AR: variants seen among roughly 807,000 people sequenced by gnomAD.
AR encodes androgen receptor, also known as dihydrotestosterone receptor.
A neutral mutation model predicts 53.9 loss-of-function variants in AR; 8 were observed. The ratio of observed to expected loss-of-function variants is 0.15; its 90% CI spans 0.09 to 0.27. The LOEUF (loss-of-function observed/expected upper bound fraction) is 0.27, where lower values mean the gene tolerates loss of function less well. AR is among the 10% of genes least tolerant of loss of function. The pLI, the probability that AR is intolerant of heterozygous loss-of-function variation, is 1.00. For missense variants in AR, 639 were observed against 742.5 expected, an observed-to-expected ratio of 0.86 and a Z score of 1.62; for synonymous variants, 359 against 316.4, an observed-to-expected ratio of 1.13 and a Z score of -1.43.
chrX:67,670,002 T>G (rs1251974230), intron 2 of AR, among the ~76,000 whole-genome samples: 1 of 102,013 alleles, frequency 9.8e-6, no homozygotes, highest in African/African-American at 3.5e-5. Context: ...AAAATAATAC[T>G]ATTTTTTAAT....
chrX:67,620,320 GCTT>G (rs1349112060), intron 1 of AR, among the ~76,000 whole-genome samples: 5 of 109,254 alleles, frequency 4.6e-5, no homozygotes, highest in African/African-American at 1.7e-4. Flanking sequence ...GGTAAATGCT[GCTT>G]TTCTGCCTTA....
At chrX:67,602,181 A>T (rs1418990236) in intron 1 of AR, among the ~76,000 whole-genome samples, 2 of 112,307 alleles carry the variant, frequency 1.8e-5, no homozygotes, top group Non-Finnish European at 3.8e-5. Context: ...TTTGTTTCAG[A>T]ATAATAAACT....
rs1394256372 is a variant in AR, at chrX:67,725,885, T to A, written c.*2044T>A. ...AGTCTTTTGGCACACCTGTGTTCTG[T>A]TGACTTCGTTCTTCAAGCCCAAGTG... On this transcript the variant is annotated 3_prime_UTR_variant, in exon 8 of 8. Coordinates refer to ENST00000374690, the MANE Select transcript of AR (RefSeq NM_000044.6). The A allele has an allele frequency of 1.1e-5, 2 of 173,964 alleles. No homozygotes were observed. The highest frequency in any genetic ancestry group is 1.6e-4 in the Admixed American group (2 of 12,628). The allele number at this position is 173,964 out of a possible 1,213,427, so 14.3% of individuals were successfully genotyped here.
At chrX:67,710,080 G>T (rs1249367875) in intron 3 of AR, among the ~76,000 whole-genome samples, 1 of 110,608 alleles carries the variant, frequency 9.0e-6, no homozygotes, top group Admixed American at 9.7e-5. Context: ...GTGTGTGAGT[G>T]TGCGTGTGTG....
intron 1 of AR, among the ~76,000 whole-genome samples, chrX:67,599,977 A>G (rs1222053343): frequency 1.8e-5 from 2 of 111,850 alleles, no homozygotes; most frequent in Non-Finnish European, 3.8e-5. Context: ...ATATACCAAC[A>G]TATTATATAG....
intron 3 of AR, among the ~76,000 whole-genome samples, chrX:67,704,171 T>C (rs2076054922): frequency 8.9e-6 from 1 of 111,910 alleles, no homozygotes; most frequent in African/African-American, 3.3e-5. Context: ...AATAATGGGA[T>C]GGCTGGGTGC....
chrX:67,633,336 G>T (rs1013055384), intron 1 of AR, among the ~76,000 whole-genome samples: 21 of 111,269 alleles, frequency 1.9e-4, no homozygotes, highest in East Asian at 1.1e-3. Context: ...TTTTCTTTGT[G>T]TTCATATGTA....
intron 2 of AR, among the ~76,000 whole-genome samples, chrX:67,669,823 T>C (rs1251564979): frequency 9.1e-6 from 1 of 110,228 alleles, no homozygotes; most frequent in Non-Finnish European, 1.9e-5. Flanking sequence ...TGTGTAGTGT[T>C]TGTCTTGAAA....
rs3032358 is a variant in AR at position 67,545,316 on chromosome X, TGCAGCA to T, written c.234_239del (p.Gln79_Gln80del). ...CCTCCCGGCGCCAGTTTGCTGCTGC[TGCAGCA>T]GCAGCAGCAGCAGCAGCAGCAGCAG... On this transcript the variant is annotated inframe_deletion, in exon 1 of 8. Coordinates refer to ENST00000374690, the MANE Select transcript of AR (RefSeq NM_000044.6). 34,691 of 972,753 alleles carry T rather than the reference TGCAGCA, an allele frequency of 0.036. 578 individuals are homozygous for T. Among genetic ancestry groups the T allele is most frequent in the African/African-American group, 0.052 (2,185 of 42,028 alleles). 80.2% of individuals were successfully genotyped at this position (972,753 alleles called of 1,213,427 possible). A position where few individuals can be genotyped will look rare whatever the true frequency, so the allele number is the denominator to read the frequency against.
chrX:67,709,458 C>T (rs1349027573), intron 3 of AR, among the ~76,000 whole-genome samples: 3 of 112,537 alleles, frequency 2.7e-5, no homozygotes, highest in African/African-American at 9.7e-5. Flanking sequence ...GATATAATCT[C>T]CTGGTGTGCC....
At chrX:67,713,749 A>T (rs1222554669) in intron 4 of AR, among the ~76,000 whole-genome samples, 1 of 111,857 alleles carries the variant, frequency 8.9e-6, no homozygotes, top group Non-Finnish European at 1.9e-5. Flanking sequence ...ATGACTTGGG[A>T]TCACTGGGGC....
chrX:67,699,262 C>A (rs1177879793), intron 3 of AR, among the ~76,000 whole-genome samples: 1 of 112,213 alleles, frequency 8.9e-6, no homozygotes, highest in Non-Finnish European at 1.9e-5. Flanking sequence ...ATGTGTTTAC[C>A]AGGATGCATT....
At chrX:67,645,137 C>T in intron 2 of AR, among the ~76,000 whole-genome samples, 1 of 111,651 alleles carries the variant, frequency 9.0e-6, no homozygotes, top group Non-Finnish European at 1.9e-5. Flanking sequence ...TAATAGCAGC[C>T]ATATCAGATG....
At position 67,717,491 on chromosome X, in the gene AR, A is replaced by G. The variant is rs2147530621; in HGVS notation, c.2187A>G (p.Leu729=). 1 of 1,211,622 alleles carries G rather than the reference A, an allele frequency of 8.3e-7. No individual in the cohort carries two copies. ...CTTCTTCTCCAGGCTTCCGCAACTTACACGTGGACGACCAGATGGCTGTCA... is the reference window on the plus strand; with the variant it reads ...CTTCTTCTCCAGGCTTCCGCAACTTGCACGTGGACGACCAGATGGCTGTCA... ...WAKALPGFRN[L]HVDDQMAVIQ... The change falls in exon 5 of 8, where the codon TTA becomes TTG. Residue 729 remains leucine, a synonymous_variant. Transcript: ENST00000374690.
chrX:67,720,572 T>C, intron 5 of AR, among the ~76,000 whole-genome samples: 1 of 111,880 alleles, frequency 8.9e-6, no homozygotes, highest in East Asian at 2.8e-4. Flanking sequence ...TTCTGCTCAA[T>C]TGATTTGTGA....
At position 67,688,117 on chromosome X, in the gene AR, TGACTGGC is replaced by T. The variant is rs764033901; in HGVS notation, c.1885+1992_1885+1998del. Reference sequence around the variant, plus strand: ...AATGAAGACAAGCTGAGAAGTGCTGTGACTGGCCTTCATTTCAGTTGCAGGCCCATGA... The same window carrying T: ...AATGAAGACAAGCTGAGAAGTGCTGTCTTCATTTCAGTTGCAGGCCCATGA... On this transcript the variant is annotated intron_variant, in intron 3 of 7. Coordinates refer to ENST00000374690, the MANE Select transcript of AR (RefSeq NM_000044.6). Among the ~76,000 whole-genome samples the T allele has an allele frequency of 2.5e-3, 277 of 111,976 alleles. 1 individual carries two copies. Among genetic ancestry groups the T allele is most frequent in the African/African-American group, 7.8e-3 (242 of 30,856 alleles).
At chrX:67,662,139 C>T (rs1161668304) in intron 2 of AR, among the ~76,000 whole-genome samples, 1 of 111,644 alleles carries the variant, frequency 9.0e-6, no homozygotes, top group Non-Finnish European at 1.9e-5. Flanking sequence ...TTTCAAAAAA[C>T]CAGTTCCTGG....
intron 3 of AR, chrX:67,694,597 A>G: frequency 4.4e-6 from 5 of 1,140,500 alleles, no homozygotes; most frequent in Middle Eastern, 2.4e-4. Flanking sequence ...TGTCTTAGGC[A>G]TCTGATTATG....
At chrX:67,710,550 C>G (rs952377087) in intron 3 of AR, among the ~76,000 whole-genome samples, 23 of 110,896 alleles carry the variant, frequency 2.1e-4, no homozygotes, top group African/African-American at 7.2e-4. Flanking sequence ...TCAGGCTGAT[C>G]TTGAGCTCCT....
Sources: gnomAD v4.1 joint callset for allele counts (sites outside exome capture counted in the v4.1 genomes callset) on GRCh38, gnomAD v4.1.1 for gene constraint, MANE v1.5 for transcripts, NCBI Gene and HGNC (gene_info 2026-07-23, HGNC 2026-07-21) for gene names.